The following PCCA variants were observed in gnomAD, a reference collection of about 807,000 sequenced individuals.
PCCA encodes propionyl-CoA carboxylase alpha chain, mitochondrial.
PCCA carries 74 observed loss-of-function variants against 101.3 expected under a neutral mutation model. The ratio of observed to expected loss-of-function variants is 0.73; its 90% CI spans 0.61 to 0.89. The LOEUF is 0.89. PCCA is among the 40% of genes least tolerant of loss of function. PCCA has a pLI of 0.00. For synonymous variants in PCCA, 294 were observed against 313.6 expected (o/e 0.94, Z 0.66); for missense variants, 891 against 907.0 (o/e 0.98, Z 0.23).
At chr13:100,463,345 T>G (rs1336313375) in intron 21 of PCCA, among the ~76,000 whole-genome samples, 3 of 148,900 alleles carry the variant, frequency 2.0e-5, no homozygotes, top group East Asian at 3.9e-4. Flanking sequence ...GGTTTTTTTT[T>G]TTTTTTTTTT....
At chr13:100,263,034 C>T (rs1207630371) in intron 10 of PCCA, among the ~76,000 whole-genome samples, 3 of 152,054 alleles carry the variant, frequency 2.0e-5, no homozygotes, top group Admixed American at 1.3e-4. Context: ...CTAAGATAGC[C>T]GACCAGGCTA....
In PCCA at chr13:100,425,966, T is replaced by C. The variant is rs141465656; in HGVS notation, c.1845+235T>C. Among the ~76,000 whole-genome samples the C allele has an allele frequency of 2.0e-5, 3 of 152,336 alleles. No individual in the cohort carries two copies. The East Asian group carries it at 5.8e-4, about 29-fold the overall frequency. On this transcript the variant is annotated intron_variant, in intron 20 of 23. Transcript: ENST00000376285. ...AGAAGGTTCATGTATTGTACTTTGT[T>C]GTAAACAAGGAATTCTGCAGGCTTT...
intron 19 of PCCA, among the ~76,000 whole-genome samples, chr13:100,374,369 A>G (rs2075767975): frequency 6.6e-6 from 1 of 152,128 alleles, no homozygotes; most frequent in South Asian, 2.1e-4. Flanking sequence ...AAAGTACCCA[A>G]TAACAAACTG....
rs2053724565 is a variant in PCCA, at chr13:100,154,970, T to C, written c.301-9T>C. The C allele has an allele frequency of 1.3e-6, 2 of 1,599,704 alleles. No homozygotes were observed. The highest frequency in any genetic ancestry group is 1.7e-6 in the Non-Finnish European group (2 of 1,166,968). Reference sequence around the variant, plus strand: ...GCGCATCTGTTAATGCAGAAATTTGTCTCCTCAGGTTCATGTGAAAATGGC... The same window carrying C: ...GCGCATCTGTTAATGCAGAAATTTGCCTCCTCAGGTTCATGTGAAAATGGC... On this transcript the variant is annotated splice_polypyrimidine_tract_variant and intron_variant, in intron 4 of 23. Transcript: ENST00000376285.
intron 20 of PCCA, among the ~76,000 whole-genome samples, chr13:100,427,812 A>G (rs914303150): frequency 6.6e-6 from 1 of 152,088 alleles, no homozygotes; most frequent in Non-Finnish European, 1.5e-5. Context: ...CATTAGCATT[A>G]TATCGACTCT....
chr13:100,280,641 GC>G (rs2064028731), intron 12 of PCCA, among the ~76,000 whole-genome samples: 2 of 152,154 alleles, frequency 1.3e-5, no homozygotes, highest in Admixed American at 1.3e-4. Flanking sequence ...TTGTTAAAAT[GC>G]TATTTTATTG....
intron 4 of PCCA, among the ~76,000 whole-genome samples, chr13:100,126,162 T>G (rs1168032890): frequency 1.3e-5 from 2 of 152,210 alleles, no homozygotes; most frequent in Non-Finnish European, 2.9e-5. Flanking sequence ...CCAAATTCAA[T>G]ATGTATATGA....
At chr13:100,527,163 G>A (rs1371416027) in intron 22 of PCCA, 13 of 377,476 alleles carry the variant, frequency 3.4e-5, no homozygotes, top group East Asian at 7.3e-5. Context: ...GCCCTTTAAC[G>A]TGTACGATTC....
At chr13:100,234,752 G>A (rs543647726) in intron 7 of PCCA, among the ~76,000 whole-genome samples, 2 of 151,258 alleles carry the variant, frequency 1.3e-5, no homozygotes, top group African/African-American at 2.4e-5. Context: ...AAACGTATTA[G>A]CTTAAAAGCT....
chr13:100,429,977 A>C (rs2079422408), intron 20 of PCCA, among the ~76,000 whole-genome samples: 1 of 152,058 alleles, frequency 6.6e-6, no homozygotes, highest in African/African-American at 2.4e-5. Flanking sequence ...CACTATCTAG[A>C]TTAAAAAAAA....
intron 7 of PCCA, among the ~76,000 whole-genome samples, chr13:100,226,599 T>G (rs111960543): frequency 0.019 from 2,959 of 152,286 alleles, 108 homozygotes; most frequent in African/African-American, 0.068. Flanking sequence ...CAATACCGAG[T>G]TCGTAGATCG....
intron 1 of PCCA, among the ~76,000 whole-genome samples, chr13:100,094,662 A>G (rs1191344627): frequency 1.3e-5 from 2 of 152,298 alleles, no homozygotes; most frequent in East Asian, 3.9e-4. Flanking sequence ...ATCTCCGCTC[A>G]CGGCAACCTC....
At chr13:100,501,640 G>A (rs768367909) in intron 21 of PCCA, among the ~76,000 whole-genome samples, 41 of 152,264 alleles carry the variant, frequency 2.7e-4, no homozygotes, top group Non-Finnish European at 5.7e-4. Flanking sequence ...TTGGGAGGCC[G>A]AGGCGGGTGG....
chr13:100,117,862 A>G (rs959536925), intron 4 of PCCA, among the ~76,000 whole-genome samples: 6 of 152,060 alleles, frequency 3.9e-5, no homozygotes, highest in African/African-American at 1.2e-4. Flanking sequence ...CACGCCTGTA[A>G]TCCCAGCACT....
chr13:100,208,845 G>T (rs372421605), intron 6 of PCCA, among the ~76,000 whole-genome samples: 124 of 152,182 alleles, frequency 8.1e-4, no homozygotes, highest in African/African-American at 2.8e-3. Context: ...ATCTGTTCAC[G>T]TTTCCTGGAA....
chr13:100,399,733 G>C (rs962034453), intron 19 of PCCA, among the ~76,000 whole-genome samples: 3 of 152,194 alleles, frequency 2.0e-5, no homozygotes, highest in Non-Finnish European at 4.4e-5. Context: ...TTGTGACCCA[G>C]ACTAACAGGA....
intron 21 of PCCA, among the ~76,000 whole-genome samples, chr13:100,508,260 G>T (rs1398237775): frequency 6.6e-6 from 1 of 152,188 alleles, no homozygotes; most frequent in Non-Finnish European, 1.5e-5. Flanking sequence ...TTTGAAAAAT[G>T]AGTTGCTGAA....
chr13:100,452,304 C>T (rs962620459), intron 21 of PCCA, among the ~76,000 whole-genome samples: 2 of 152,002 alleles, frequency 1.3e-5, no homozygotes, highest in African/African-American at 4.8e-5. Context: ...CTGGCCCTGC[C>T]TTTAGCCATC....
At chr13:100,188,121 C>T (rs553112732) in intron 6 of PCCA, among the ~76,000 whole-genome samples, 14 of 152,200 alleles carry the variant, frequency 9.2e-5, no homozygotes, top group South Asian at 4.1e-4. Flanking sequence ...GGTGAAACCC[C>T]GTCTCTACTA....
Sources: gnomAD v4.1 joint callset for allele counts (sites outside exome capture counted in the v4.1 genomes callset) on GRCh38, gnomAD v4.1.1 for gene constraint, MANE v1.5 for transcripts, NCBI Gene and HGNC (gene_info 2026-07-23, HGNC 2026-07-21) for gene names.